Variants in ASIC2 observed in about 807,000 individuals in gnomAD.
ASIC2 encodes acid sensing ion channel subunit 2, also known as acid-sensing ion channel 2.
A neutral mutation model predicts 57.3 loss-of-function variants in ASIC2; 25 were observed. The observed-to-expected ratio is 0.44, with a 90% CI of 0.32 to 0.61. ASIC2 has a LOEUF of 0.61. Among genes scored for constraint, ASIC2 ranks in the 20% least tolerant of loss-of-function variants. ASIC2 has a pLI of 0.06. For synonymous variants in ASIC2, 319 were observed against 307.5 expected, an observed-to-expected ratio of 1.04 and a Z score of -0.39; for missense variants, 641 against 738.1, an observed-to-expected ratio of 0.87 and a Z score of 1.52.
intron 1 of ASIC2, among the ~76,000 whole-genome samples, chr17:33,725,974 C>T (rs1029920946): frequency 1.3e-5 from 2 of 152,196 alleles, no homozygotes; most frequent in African/African-American, 4.8e-5. Context: ...CCCAATTGGA[C>T]CACCTGTGTG....
chr17:33,865,171 C>T (rs73288664), intron 1 of ASIC2, among the ~76,000 whole-genome samples: 2,540 of 152,174 alleles, frequency 0.017, 59 homozygotes, highest in African/African-American at 0.058. Flanking sequence ...ATGTTGATGC[C>T]CCAGGTTGCA....
At position 33,396,611 on chromosome 17, in the gene ASIC2, T is replaced by TA. The variant is rs572313123; in HGVS notation, c.556-284545dup. On this transcript the variant is annotated intron_variant, in intron 1 of 9. Coordinates refer to the ASIC2 transcript ENST00000359872. ...GGGCTTTACCTCATTGCCTCACTTA[T>TA]AGAAGTGGCCCCCAAATAATTTATA... Among the ~76,000 whole-genome samples the TA allele has an allele frequency of 6.4e-4, 97 of 152,322 alleles. No individual in the cohort carries two copies. In the South Asian group the frequency reaches 0.02, roughly 31 times the overall value.
At chr17:33,593,440 C>A (rs1408345652) in intron 1 of ASIC2, among the ~76,000 whole-genome samples, 2 of 152,074 alleles carry the variant, frequency 1.3e-5, no homozygotes, top group African/African-American at 4.8e-5. Context: ...TTGTAAAGAG[C>A]CTCAGAAATC....
chr17:33,442,911 T>G (rs1911875512), intron 1 of ASIC2, among the ~76,000 whole-genome samples: 1 of 152,188 alleles, frequency 6.6e-6, no homozygotes, highest in Non-Finnish European at 1.5e-5. Context: ...AATGGCAGGG[T>G]TTTCATAGAT....
At chr17:33,540,640 A>G (rs1386962159) in intron 1 of ASIC2, among the ~76,000 whole-genome samples, 1 of 151,876 alleles carries the variant, frequency 6.6e-6, no homozygotes, top group African/African-American at 2.4e-5. Flanking sequence ...GAGTTCTTGG[A>G]CTCACTCCTG....
At chr17:33,192,587 C>G (rs1418716306) in intron 1 of ASIC2, among the ~76,000 whole-genome samples, 1 of 152,162 alleles carries the variant, frequency 6.6e-6, no homozygotes, top group African/African-American at 2.4e-5. Context: ...TCCCTCACCT[C>G]CTAACGTCAG....
At chr17:33,149,505 G>A (rs1378773273) in intron 1 of ASIC2, among the ~76,000 whole-genome samples, 1 of 152,216 alleles carries the variant, frequency 6.6e-6, no homozygotes, top group African/African-American at 2.4e-5. Flanking sequence ...GGCTACGTCA[G>A]ATTTGCAGCT....
intron 1 of ASIC2, among the ~76,000 whole-genome samples, chr17:33,183,426 C>A (rs1276281162): frequency 6.6e-6 from 1 of 152,022 alleles, no homozygotes; most frequent in South Asian, 2.1e-4. Context: ...ACATAAAAGA[C>A]CTTTAACATT....
At chr17:33,383,081 C>T (rs1237241551) in intron 1 of ASIC2, among the ~76,000 whole-genome samples, 1 of 151,324 alleles carries the variant, frequency 6.6e-6, no homozygotes, top group Non-Finnish European at 1.5e-5. Context: ...AACAAAAAAC[C>T]TCCCATTCCT....
intron 1 of ASIC2, among the ~76,000 whole-genome samples, chr17:33,717,414 G>A (rs1031341573): frequency 6.6e-6 from 1 of 152,212 alleles, no homozygotes; most frequent in Non-Finnish European, 1.5e-5. Context: ...GCTGGCAAGG[G>A]TGCAGGTGCT....
chr17:33,545,829 T>C (rs1485385317), intron 1 of ASIC2, among the ~76,000 whole-genome samples: 1 of 152,190 alleles, frequency 6.6e-6, no homozygotes, highest in Non-Finnish European at 1.5e-5. Context: ...CTCCTTAGCA[T>C]GACATTCAAT....
chr17:33,691,787 G>T (rs1048102730), intron 1 of ASIC2, among the ~76,000 whole-genome samples: 5 of 152,056 alleles, frequency 3.3e-5, no homozygotes, highest in African/African-American at 1.2e-4. Flanking sequence ...CACATTAACA[G>T]ATTATATATG....
At chr17:33,157,332 A>T (rs1478007517) in intron 1 of ASIC2, among the ~76,000 whole-genome samples, 1 of 152,206 alleles carries the variant, frequency 6.6e-6, no homozygotes, top group Non-Finnish European at 1.5e-5. Flanking sequence ...ATCTCATCAC[A>T]ACCCTGTAGG....
intron 1 of ASIC2, among the ~76,000 whole-genome samples, chr17:33,884,776 T>A (rs1392048629): frequency 1.4e-5 from 2 of 147,420 alleles, no homozygotes; most frequent in East Asian, 2.2e-4. Flanking sequence ...AACCCTTCAA[T>A]GGTTCCCTGA....
At chr17:33,749,759 A>T (rs912595976) in intron 1 of ASIC2, among the ~76,000 whole-genome samples, 5 of 151,958 alleles carry the variant, frequency 3.3e-5, no homozygotes, top group Non-Finnish European at 5.9e-5. Context: ...CTGCTCTCCA[A>T]TTTGGTCTCT....
At position 33,096,958 on chromosome 17, in the gene ASIC2, G is replaced by A. The variant is rs117269111; in HGVS notation, c.860-7968C>T. Among the ~76,000 whole-genome samples the A allele has an allele frequency of 1.6e-4, 24 of 152,302 alleles. No individual in the cohort carries two copies. In the East Asian group the frequency reaches 3.7e-3, roughly 23 times the overall value. The stretch of plus-strand genomic sequence containing the variant: ...AGGTCAGAGGCCAGCTAACCATTTC[G>A]TTAACACCTCACAGTTACCCTTAGA... On this transcript the variant is annotated intron_variant, in intron 2 of 9. Transcript: ENST00000225823.
At position 33,939,216 on chromosome 17, in the gene ASIC2, G is replaced by A. The variant is rs1004422420; in HGVS notation, c.555+216762C>T. ...CTTAAATATCACAAGGACATCTCCC[G>A]TTTGCCTCATATTCAATATAGAGTC... On this transcript the variant is annotated intron_variant, in intron 1 of 9. Coordinates refer to the ASIC2 transcript ENST00000359872. Among the ~76,000 whole-genome samples the A allele has an allele frequency of 4.6e-5, 7 of 152,172 alleles. No individual in the cohort carries two copies. The East Asian group carries it at 9.6e-4, about 21-fold the overall frequency.
chr17:33,638,017 G>C (rs1362896375), intron 1 of ASIC2, among the ~76,000 whole-genome samples: 3 of 152,228 alleles, frequency 2.0e-5, no homozygotes, highest in Middle Eastern at 6.8e-3. Context: ...CCACAGGACT[G>C]GTTGAGTTAT....
At chr17:33,563,897 A>G (rs577428013) in intron 1 of ASIC2, among the ~76,000 whole-genome samples, 1 of 152,148 alleles carries the variant, frequency 6.6e-6, no homozygotes, top group East Asian at 1.9e-4. Context: ...GCTTCCTTTC[A>G]CTATTGCCAT....
Sources: gnomAD v4.1 joint callset for allele counts (sites outside exome capture counted in the v4.1 genomes callset) on GRCh38, gnomAD v4.1.1 for gene constraint, MANE v1.5 for transcripts, NCBI Gene and HGNC (gene_info 2026-07-23, HGNC 2026-07-21) for gene names.